Variants in SLC5A9 observed in about 807,000 individuals in gnomAD.
SLC5A9 encodes the protein solute carrier family 5 member 9.
SLC5A9 carries 59 observed loss-of-function variants against 70.9 expected under a neutral mutation model. The ratio of observed to expected loss-of-function variants is 0.83; its 90% confidence interval spans 0.68 to 1.03. The LOEUF (loss-of-function observed/expected upper bound fraction) is 1.03, where lower values mean the gene tolerates loss of function less well. SLC5A9 is among the 50% of genes least tolerant of loss of function. The probability of loss-of-function intolerance (pLI) is 0.00; values close to 1 mark genes in which losing one functional copy is unlikely to be tolerated. For synonymous variants in SLC5A9, 340 were observed against 346.5 expected, an observed-to-expected ratio of 0.98 and a Z score of 0.21; for missense variants, 832 against 881.1, an observed-to-expected ratio of 0.94 and a Z score of 0.71.
At position 48,244,524 on chromosome 1, in the gene SLC5A9, C is replaced by T. The variant is rs1524734; in HGVS notation, c.1837+1908C>T. Among the ~76,000 whole-genome samples the T allele has an allele frequency of 0.019, 2,883 of 151,422 alleles. 129 individuals carry two copies. In the East Asian group the frequency reaches 0.2, roughly 10 times the overall value. ...GTCTAAGGCTCAAAGCTTCTTCCCA[C>T]GATTCAGCAGTTAAAAGCCAATAAT... On this transcript the variant is annotated intron_variant, in intron 13 of 13. Coordinates refer to ENST00000438567, the MANE Select transcript of SLC5A9 (RefSeq NM_001011547.3).
At chr1:48,227,123 GTGTA>G (rs1644160464) in intron 2 of SLC5A9, among the ~76,000 whole-genome samples, 1 of 145,208 alleles carries the variant, frequency 6.9e-6, no homozygotes, top group Non-Finnish European at 1.5e-5. Context: ...ATGTGTGTGA[GTGTA>G]TGTGTGCGAC....
intron 9 of SLC5A9, among the ~76,000 whole-genome samples, chr1:48,234,046 C>T (rs1168081459): frequency 6.6e-6 from 1 of 152,164 alleles, no homozygotes; most frequent in African/African-American, 2.4e-5. Context: ...TCCAGTGGGA[C>T]CAGTGTGGTG....
At chr1:48,225,512 G>A (rs528079495) in intron 2 of SLC5A9, among the ~76,000 whole-genome samples, 84 of 152,204 alleles carry the variant, frequency 5.5e-4, no homozygotes, top group Middle Eastern at 3.4e-3. Flanking sequence ...GGGATGGAGG[G>A]AGGAAAGCCC....
In SLC5A9 at chr1:48,229,743, G is replaced by A. The variant is rs535875543; in HGVS notation, c.504+284G>A. On this transcript the variant is annotated intron_variant, in intron 4 of 13. Transcript: ENST00000438567. ...TTAATGGATTCTTTGTTCATCAACT[G>A]TACATTAGTTGCCTAGATTTTTGGA... is the stretch of plus-strand genomic sequence containing the variant. 2.0e-5 allele frequency among the ~76,000 whole-genome samples: 3 copies of A among 152,258 alleles called. No homozygotes were observed. The South Asian group carries it at 6.2e-4, about 32-fold the overall frequency.
chr1:48,230,524 C>A, intron 4 of SLC5A9, 76 bp from the exon 5 acceptor site: 1 of 934,044 alleles, frequency 1.1e-6, no homozygotes. Context: ...TGTTGCTGGG[C>A]AGGCAGGTGA....
rs1261163295 is a variant in SLC5A9, at chr1:48,239,036, A to G, written c.1462-286A>G. On this transcript the variant is annotated intron_variant, in intron 11 of 13. Coordinates refer to ENST00000438567, the MANE Select transcript of SLC5A9 (RefSeq NM_001011547.3). The surrounding 1 kb of genome is among the most constrained non-coding windows in gnomAD (Gnocchi z 4.2). ...ATGAATTTTTAAATTACTGCCCCCA[A>G]TAAGAAAACTCTGAGTCAGCACGGC... 2.6e-5 allele frequency among the ~76,000 whole-genome samples: 4 copies of G among 152,220 alleles called. No individual in the cohort carries two copies. The highest frequency in any genetic ancestry group is 5.9e-5 in the Non-Finnish European group (4 of 68,042).
intron 4 of SLC5A9, among the ~76,000 whole-genome samples, chr1:48,230,016 G>A (rs1425312380): frequency 6.6e-6 from 1 of 152,194 alleles, no homozygotes; most frequent in African/African-American, 2.4e-5. Flanking sequence ...CCGTTGCCAG[G>A]TCTAGGGCTG....
rs939126083 is a variant in SLC5A9, at chr1:48,224,772, G to T, written c.211G>T (p.Gly71Trp). The change falls in exon 2 of 14, where the codon GGG becomes TGG. Residue 71 changes from glycine to tryptophan, a missense_variant. By Grantham distance (184) the Gly-to-Trp change is radical (BLOSUM62 -2). Transcript: ENST00000438567. ...RGTIGGYFLA[G>W]RSMSWWPIGA... ...GACCATTGGCGGCTATTTCCTGGCC[G>T]GGAGGTCCATGAGCTGGTGGCCAGT... The T allele has an allele frequency of 6.2e-7, 1 of 1,614,090 alleles. No homozygotes were observed. Among genetic ancestry groups the T allele is most frequent in the Non-Finnish European group, 8.5e-7 (1 of 1,180,012 alleles).
chr1:48,223,017 C>T, intron 1 of SLC5A9, 119 bp downstream of exon 1: 1 of 1,087,332 alleles, frequency 9.2e-7, no homozygotes, highest in Non-Finnish European at 1.3e-6. Context: ...AACCATGTGG[C>T]TGAGAAGGAA....
At position 48,244,878 on chromosome 1, in the gene SLC5A9, G is replaced by GTGTGTGTATATATATA. The variant is rs1391896495; in HGVS notation, c.1837+2263_1837+2264insGTGTGTATATATATAT. On this transcript the variant is annotated intron_variant, in intron 13 of 13. Transcript: ENST00000438567. ...TGTGTGTGTGTATGTATGTGTATGT[G>GTGTGTGTATATATATA]TATATATATATATATATATATATAT... Among the ~76,000 whole-genome samples, 158 of 29,402 alleles carry GTGTGTGTATATATATA rather than the reference G, an allele frequency of 5.4e-3. 27 individuals are homozygous for GTGTGTGTATATATATA. Among genetic ancestry groups the GTGTGTGTATATATATA allele is most frequent in the African/African-American group, 9.7e-3 (115 of 11,882 alleles). 19.3% of individuals were successfully genotyped at this position (29,402 alleles called of 152,430 possible).
Position 48,224,201 on chromosome 1 carries a change from G to A in SLC5A9, c.163-523G>A, listed in dbSNP as rs565279737. 7.2e-5 allele frequency among the ~76,000 whole-genome samples: 11 copies of A among 152,128 alleles called. No homozygotes were observed. In the East Asian group the frequency reaches 7.7e-4, roughly 11 times the overall value. ...GAGGTCCTGGATGGGGCTCAGTGGCGTGATCTGATTTCAACCCAGGGCAAG... is the reference window on the plus strand; with the variant it reads ...GAGGTCCTGGATGGGGCTCAGTGGCATGATCTGATTTCAACCCAGGGCAAG... On this transcript the variant is annotated intron_variant, in intron 1 of 13. Coordinates refer to ENST00000438567, the MANE Select transcript of SLC5A9 (RefSeq NM_001011547.3).
Position 48,230,623 on chromosome 1 carries a change from C to T in SLC5A9, c.528C>T (p.Leu176=). ...KISTDIFSGA[L]FIQMALGWNL... is the part of the protein sequence containing the mutation. ...AGACTGACATCTTCTCTGGAGCCCT[C>T]TTCATCCAGATGGCATTGGGCTGGA... Residue 176 remains leucine (L), a synonymous_variant, in exon 5 of 14, where the codon CTC becomes CTT. Transcript: ENST00000438567. 6.2e-7 allele frequency: 1 copy of T among 1,614,076 alleles called. No homozygotes were observed. The highest frequency in any genetic ancestry group is 8.5e-7 in the Non-Finnish European group (1 of 1,179,994).
intron 1 of SLC5A9, among the ~76,000 whole-genome samples, chr1:48,223,110 G>T (rs2148558470): frequency 6.6e-6 from 1 of 152,224 alleles, no homozygotes; most frequent in African/African-American, 2.4e-5. Context: ...CACACAGAGA[G>T]TCAGAGGCAG....
At chr1:48,224,699 C>G in intron 1 of SLC5A9, 25 bp from the exon 2 acceptor site, 3 of 1,610,778 alleles carry the variant, frequency 1.9e-6, no homozygotes, top group Non-Finnish European at 2.5e-6. Context: ...TTGAGAAATC[C>G]TCATCTCATC....
Position 48,237,778 on chromosome 1 carries a change from C to T in SLC5A9, c.1392C>T (p.Thr464=). The change falls in exon 11 of 14, where the codon ACC becomes ACT. Residue 464 remains threonine (T), a synonymous_variant. Transcript: ENST00000438567. ...TCTTCGACTACATCCAGGCTGTCACCAGTTACCTGGCCCCACCCATCACCG... is the reference window on the plus strand; with the variant it reads ...TCTTCGACTACATCCAGGCTGTCACTAGTTACCTGGCCCCACCCATCACCG... The part of the protein sequence containing the change: ...GQLFDYIQAV[T]SYLAPPITAL... 6.2e-7 allele frequency: 1 copy of T among 1,614,118 alleles called. No homozygotes were observed. Among genetic ancestry groups the T allele is most frequent in the East Asian group, 2.2e-5 (1 of 44,862 alleles).
Position 48,228,874 on chromosome 1 carries a change from A to G in SLC5A9, c.259A>G (p.Asn87Asp). ...GATTGGAGCATCTCTGATGTCCAGC[A>G]ATGTGGGCAGTGGCTTGTTCATCGG... ...WPIGASLMSS[N>D]VGSGLFIGLA... is the part of the protein sequence containing the mutation. The change falls in exon 3 of 14, where the codon AAT (asparagine) becomes GAT (aspartate). Residue 87 changes from asparagine to aspartate, a missense_variant. By Grantham distance (23) the Asn-to-Asp change is conservative. Transcript: ENST00000438567. 1 of 1,613,818 alleles carries G rather than the reference A, an allele frequency of 6.2e-7. No individual in the cohort carries two copies. The highest frequency in any genetic ancestry group is 8.5e-7 in the Non-Finnish European group (1 of 1,179,928).
chr1:48,240,581 C>A (rs1644380077), intron 12 of SLC5A9: 1 of 152,242 alleles, frequency 6.6e-6, no homozygotes, highest in Non-Finnish European at 1.5e-5. Context: ...TACAAAAAAG[C>A]AGGGCCTTTC....
chr1:48,225,843 T>C (rs545357337), intron 2 of SLC5A9, among the ~76,000 whole-genome samples: 3 of 152,226 alleles, frequency 2.0e-5, no homozygotes, highest in Admixed American at 2.0e-4. Flanking sequence ...CTCACACTCA[T>C]GCTCCTTTAC....
At position 48,242,615 on chromosome 1, in the gene SLC5A9, A is replaced by C. The variant is rs557187487; in HGVS notation, c.1836A>C (p.Glu612Asp). ...ENSSLGQEQP[E>D]APSRSWGKLL... ...CGAGCCTGGGCCAGGAGCAGCCTGA[A>C]GGTAGGCTGCGGCAGGCCGGGGGAT... Residue 612 changes from glutamate to aspartate, a missense_variant and splice_region_variant, in exon 13 of 14, where the codon GAA becomes GAC. Coordinates refer to ENST00000438567, the MANE Select transcript of SLC5A9 (RefSeq NM_001011547.3). The C allele has an allele frequency of 1.9e-6, 3 of 1,608,676 alleles. No individual in the cohort carries two copies. Among genetic ancestry groups the C allele is most frequent in the South Asian group, 2.2e-5 (2 of 90,560 alleles).
Sources: allele counts gnomAD v4.1 joint callset (sites outside exome capture counted in the v4.1 genomes callset), GRCh38; gene constraint gnomAD v4.1.1; non-coding constraint Gnocchi (gnomAD v3.1); transcripts MANE v1.5; gene names NCBI Gene and HGNC (gene_info 2026-07-23, HGNC 2026-07-21).